CTBS: variants seen among roughly 807,000 people sequenced by gnomAD.
CTBS encodes the protein di-N-acetylchitobiase.
Under a neutral mutation model 44.3 loss-of-function variants are expected in CTBS, and 35 were observed. The ratio of observed to expected loss-of-function variants is 0.79; its 90% CI spans 0.60 to 1.05. The LOEUF is 1.05. Among genes scored for constraint, CTBS ranks in the 50% least tolerant of loss-of-function variants. The pLI, the probability that CTBS is intolerant of heterozygous loss-of-function variation, is 0.00. For synonymous variants in CTBS, 143 were observed against 168.0 expected, an observed-to-expected ratio of 0.85 and a Z score of 1.15; for missense variants, 458 against 475.3, an observed-to-expected ratio of 0.96 and a Z score of 0.34.
intron 2 of CTBS, 128 bp from the exon 3 acceptor site, chr1:84,570,267 A>T (rs754410464): frequency 6.8e-6 from 5 of 736,272 alleles, no homozygotes; most frequent in African/African-American, 1.8e-5. Context: ...GCCATTACTC[A>T]TGAATCTCCA....
intron 6 of CTBS, among the ~76,000 whole-genome samples, chr1:84,561,376 G>A (rs1684591086): frequency 6.6e-6 from 1 of 152,192 alleles, no homozygotes; most frequent in African/African-American, 2.4e-5. Context: ...GATAAAATTT[G>A]AATAGATGAG....
chr1:84,550,974 G>C lies in CTBS; in HGVS notation c.*4025C>G, dbSNP rs1052793010. The C allele has an allele frequency of 2.0e-6, 2 of 983,412 alleles. No individual in the cohort carries two copies. The highest frequency in any genetic ancestry group is 3.5e-5 in the African/African-American group (2 of 57,084). The allele number at this position is 983,412 out of a possible 1,614,324, so 60.9% of individuals were successfully genotyped here. A position where few individuals can be genotyped will look rare whatever the true frequency, so the allele number is the denominator to read the frequency against. ...AATATGAATAATGTGTCTTCTACTA[G>C]ATGTTAAGTTTCCTTCCTGGCAGAG... On this transcript the variant is annotated 3_prime_UTR_variant, in exon 7 of 7. Coordinates refer to ENST00000370630, the MANE Select transcript of CTBS (RefSeq NM_004388.3).
chr1:84,550,413 T>C lies in CTBS; in HGVS notation c.*4586A>G. ...ATGTTTATATGTTATACTAAATAAA[T>C]ATCTATCTATCCACACAGAATTACC... On this transcript the variant is annotated 3_prime_UTR_variant, in exon 7 of 7. Transcript: ENST00000370630. 1 of 1,313,888 alleles carries C rather than the reference T, an allele frequency of 7.6e-7. No individual in the cohort carries two copies. Among genetic ancestry groups the C allele is most frequent in the Non-Finnish European group, 1.0e-6 (1 of 968,992 alleles). 81.4% of individuals were successfully genotyped at this position (1,313,888 alleles called of 1,614,324 possible).
At chr1:84,567,557 CTA>C (rs1292138410) in intron 3 of CTBS, among the ~76,000 whole-genome samples, 1 of 152,150 alleles carries the variant, frequency 6.6e-6, no homozygotes, top group African/African-American at 2.4e-5. Flanking sequence ...TTTTTCCCAT[CTA>C]TAAAAATGAG....
chr1:84,573,823 G>A (rs1421007759), intron 1 of CTBS: 6 of 966,078 alleles, frequency 6.2e-6, no homozygotes, highest in Non-Finnish European at 7.4e-6. Flanking sequence ...CTAAAGGTAA[G>A]CAAAATACTC....
At chr1:84,559,589 T>G (rs1159238534) in intron 6 of CTBS, among the ~76,000 whole-genome samples, 1 of 152,058 alleles carries the variant, frequency 6.6e-6, no homozygotes, top group Non-Finnish European at 1.5e-5. Flanking sequence ...GCCACTGCAC[T>G]CCAGCCTGGG....
At chr1:84,568,562 C>T (rs1429358600) in intron 3 of CTBS, among the ~76,000 whole-genome samples, 2 of 152,168 alleles carry the variant, frequency 1.3e-5, no homozygotes, top group Non-Finnish European at 1.5e-5. Flanking sequence ...TCACCTAGGA[C>T]ACTTGGCAAA....
At chr1:84,557,481 C>CGA (rs1166130120) in intron 6 of CTBS, among the ~76,000 whole-genome samples, 1 of 137,058 alleles carries the variant, frequency 7.3e-6, no homozygotes, top group Non-Finnish European at 1.5e-5. Flanking sequence ...CGCAGTCAGC[C>CGA]GAGATCGTGC....
Position 84,553,047 on chromosome 1 carries a change from G to T in CTBS, c.*1952C>A. ...ATTCTTTTTATAGATGAGAAAACAA[G>T]CAGTTTCAGATTTACGAACATTGAA... On this transcript the variant is annotated 3_prime_UTR_variant, in exon 7 of 7. Transcript: ENST00000370630. 6.6e-7 allele frequency: 1 copy of T among 1,522,544 alleles called. No individual in the cohort carries two copies. Among genetic ancestry groups the T allele is most frequent in the Non-Finnish European group, 8.8e-7 (1 of 1,136,170 alleles). The allele number at this position is 1,522,544 out of a possible 1,614,324, so 94.3% of individuals were successfully genotyped here. A position where few individuals can be genotyped will look rare whatever the true frequency, so the allele number is the denominator to read the frequency against.
intron 6 of CTBS, among the ~76,000 whole-genome samples, chr1:84,561,912 A>C (rs1684603531): frequency 6.6e-6 from 1 of 152,192 alleles, no homozygotes; most frequent in Non-Finnish European, 1.5e-5. Flanking sequence ...TGCACAGGGA[A>C]ACAAAAAATT....
At chr1:84,561,705 C>G (rs534356859) in intron 6 of CTBS, among the ~76,000 whole-genome samples, 15 of 152,276 alleles carry the variant, frequency 9.9e-5, no homozygotes, top group African/African-American at 3.6e-4. Flanking sequence ...GCAACCACCA[C>G]CCTGATCAGT....
At chr1:84,564,679 T>C (rs996715316) in intron 4 of CTBS, among the ~76,000 whole-genome samples, 3 of 152,178 alleles carry the variant, frequency 2.0e-5, no homozygotes, top group African/African-American at 7.2e-5. Flanking sequence ...ATGTCTTGCC[T>C]GAAACACAGT....
chr1:84,556,725 AAAAGAC>A (rs1684443383), intron 6 of CTBS, among the ~76,000 whole-genome samples: 1 of 151,920 alleles, frequency 6.6e-6, no homozygotes, highest in South Asian at 2.1e-4. Context: ...AAAAAAAAAA[AAAAGAC>A]CACTTTGAAG....
chr1:84,560,877 G>GA (rs903428246), intron 6 of CTBS, among the ~76,000 whole-genome samples: 1 of 151,654 alleles, frequency 6.6e-6, no homozygotes, highest in Non-Finnish European at 1.5e-5. Context: ...GATGTACTAA[G>GA]AAAAAAAAGA....
chr1:84,561,380 A>G (rs1378655482), intron 6 of CTBS, among the ~76,000 whole-genome samples: 1 of 152,250 alleles, frequency 6.6e-6, no homozygotes, highest in Non-Finnish European at 1.5e-5. Flanking sequence ...AAATTTGAAT[A>G]GATGAGGAGC....
rs1262038532 is a variant in CTBS at position 84,563,368 on chromosome 1, A to G, written c.846T>C (p.Ser282=). Residue 282 remains serine, a synonymous_variant, in exon 6 of 7, where the codon AGT becomes AGC. Coordinates refer to ENST00000370630, the MANE Select transcript of CTBS (RefSeq NM_004388.3). ...AGGGCACCTGACGTCCTGCAGCGTC[A>G]CTACAAGGAGCCCCCCGGAAAGGGA... The part of the protein sequence containing the change: ...AKVPFRGAPC[S]DAAGRQVPYK... The G allele has an allele frequency of 6.3e-7, 1 of 1,589,166 alleles. No homozygotes were observed. Among genetic ancestry groups the G allele is most frequent in the Admixed American group, 1.8e-5 (1 of 55,636 alleles).
intron 3 of CTBS, among the ~76,000 whole-genome samples, chr1:84,566,386 G>T (rs2911587): frequency 0.018 from 2,788 of 152,234 alleles, 78 homozygotes; most frequent in African/African-American, 0.062. Flanking sequence ...CACACTAAAA[G>T]AATTCAAATA....
chr1:84,574,345 A>C lies in CTBS; in HGVS notation c.71T>G (p.Leu24Arg). The C allele has an allele frequency of 7.5e-7, 1 of 1,331,878 alleles. No homozygotes were observed. The highest frequency in any genetic ancestry group is 1.4e-5 in the South Asian group (1 of 72,516). 82.5% of individuals were successfully genotyped at this position (1,331,878 alleles called of 1,614,324 possible). ...CGCCAGCAGCGCCAGCAGCGCCAGCAGCGCTAGACCCGGGACGCCGCTCGG... is the reference window on the plus strand; with the variant it reads ...CGCCAGCAGCGCCAGCAGCGCCAGCCGCGCTAGACCCGGGACGCCGCTCGG... ...SPPSGVPGLA[L>R]LALLALLALR... The change falls in exon 1 of 7, where the codon CTG becomes CGG. Residue 24 changes from leucine (L) to arginine (R), a missense_variant. Coordinates refer to ENST00000370630, the MANE Select transcript of CTBS (RefSeq NM_004388.3).
Position 84,558,445 on chromosome 1 carries a change from A to G in CTBS, c.958-3246T>C, listed in dbSNP as rs558536479. On this transcript the variant is annotated intron_variant, in intron 6 of 6. Coordinates refer to ENST00000370630, the MANE Select transcript of CTBS (RefSeq NM_004388.3). ...GCTGGGACTACAGGCGCCCGCCACT[A>G]CGCCCGGCTAATTTTTTTTGTATTT... 1.4e-3 allele frequency among the ~76,000 whole-genome samples: 212 copies of G among 151,076 alleles called. 3 individuals are homozygous for G. The East Asian group carries it at 0.02, about 14-fold the overall frequency.
Sources: allele counts gnomAD v4.1 joint callset (sites outside exome capture counted in the v4.1 genomes callset), GRCh38; gene constraint gnomAD v4.1.1; transcripts MANE v1.5; gene names NCBI Gene and HGNC (gene_info 2026-07-23, HGNC 2026-07-21).